Variants in CGAS observed in about 807,000 individuals in gnomAD.
CGAS encodes 2'3'-cGAMP synthase.
In CGAS, 31 loss-of-function variants were observed where a neutral mutation model predicts 34.0. The observed-to-expected ratio is 0.91, with a 90% confidence interval of 0.69 to 1.23. CGAS has a LOEUF of 1.23. Ranked by LOEUF, CGAS falls within the 50% of genes most tolerant of loss-of-function variation. The pLI is 0.00. For synonymous variants in CGAS, 266 were observed against 260.0 expected, an observed-to-expected ratio of 1.02 and a Z score of -0.22; for missense variants, 597 against 657.6, an observed-to-expected ratio of 0.91 and a Z score of 1.01.
intron 3 of CGAS, among the ~76,000 whole-genome samples, chr6:73,438,559 G>A (rs1389558385): frequency 6.6e-6 from 1 of 151,996 alleles, no homozygotes; most frequent in Non-Finnish European, 1.5e-5. Flanking sequence ...AGCCTCGCGT[G>A]GTGGCATGCG....
chr6:73,440,184 A>C, intron 3 of CGAS, 25 bp downstream of exon 3: 1 of 1,579,304 alleles, frequency 6.3e-7, no homozygotes, highest in Non-Finnish European at 8.7e-7. Flanking sequence ...TTACTTCTTT[A>C]AGTTAACTTT....
intron 4 of CGAS, 49 bp from the exon 5 acceptor site, chr6:73,425,627 CA>C: frequency 1.5e-6 from 2 of 1,306,200 alleles, no homozygotes; most frequent in South Asian, 2.7e-5. Context: ...TTACATTCAA[CA>C]AAGGATTTTA....
intron 3 of CGAS, among the ~76,000 whole-genome samples, chr6:73,431,824 G>C (rs1288347268): frequency 6.6e-6 from 1 of 152,124 alleles, no homozygotes; most frequent in Non-Finnish European, 1.5e-5. Flanking sequence ...TTTGATATTA[G>C]GGAATTATTA....
In CGAS at chr6:73,425,252, T is replaced by G; in HGVS notation, c.1544A>C (p.Glu515Ala). The G allele has an allele frequency of 6.3e-7, 1 of 1,588,252 alleles. No homozygotes were observed. Among genetic ancestry groups the G allele is most frequent in the South Asian group, 1.2e-5 (1 of 86,742 alleles). ...TCAAAATTCATCAAAAACTGGAAAC[T>G]CATTGTTTCTTTCATATTCAATTTG... ...TKQIEYERNN[E>A]FPVFDEF Residue 515 changes from glutamate (E) to alanine (A), a missense_variant, in exon 5 of 5, where the codon GAG (glutamate) becomes GCG (alanine). Physicochemically the swap from Glu to Ala is moderately radical, Grantham distance 107 (BLOSUM62 -1). Coordinates refer to ENST00000370315, the MANE Select transcript of CGAS (RefSeq NM_138441.3).
In CGAS at chr6:73,444,628, C is replaced by A. The variant is rs534425246; in HGVS notation, c.877+900G>T. ...CTGGCACCAGATTTTATTATCTGAT[C>A]ATTGAGAAGCCAGGTTTTCATCAGA... is the stretch of plus-strand genomic sequence containing the variant. On this transcript the variant is annotated intron_variant, in intron 2 of 4. Coordinates refer to ENST00000370315, the MANE Select transcript of CGAS (RefSeq NM_138441.3). Among the ~76,000 whole-genome samples, 12 of 152,224 alleles carry A rather than the reference C, an allele frequency of 7.9e-5. No homozygotes were observed. In the South Asian group the frequency reaches 2.5e-3, roughly 32 times the overall value.
chr6:73,432,947 G>A (rs749173510), intron 3 of CGAS, among the ~76,000 whole-genome samples: 14 of 152,192 alleles, frequency 9.2e-5, no homozygotes, highest in South Asian at 4.1e-4. Flanking sequence ...AGCCAGACAC[G>A]GTGGTGGGCA....
rs1414530363 is a variant in CGAS at position 73,424,644 on chromosome 6, T to C, written c.*583A>G. ...AAATACTACTTTTGCTTCTTATTCC[T>C]TGACTAATCTTTTTCCTAGGATAGT... On this transcript the variant is annotated 3_prime_UTR_variant, in exon 5 of 5. Transcript: ENST00000370315. The C allele has an allele frequency of 6.6e-6, 1 of 152,154 alleles. No individual in the cohort carries two copies. Among genetic ancestry groups the C allele is most frequent in the Admixed American group, 6.5e-5 (1 of 15,268 alleles). The allele number at this position is 152,154 out of a possible 1,614,324, so 9.4% of individuals were successfully genotyped here. A position where few individuals can be genotyped will look rare whatever the true frequency, so the allele number is the denominator to read the frequency against.
intron 2 of CGAS, 95 bp downstream of exon 2, chr6:73,445,433 A>C: frequency 2.6e-6 from 2 of 768,818 alleles, no homozygotes; most frequent in South Asian, 2.0e-5. Flanking sequence ...ACTTTTTCTT[A>C]CTGCAGAGAG....
intron 3 of CGAS, 62 bp downstream of exon 3, chr6:73,440,147 C>A: frequency 6.9e-7 from 1 of 1,439,928 alleles, no homozygotes; most frequent in South Asian, 1.3e-5. Flanking sequence ...TCTTTTACTG[C>A]CTGAACATAT....
In CGAS at chr6:73,452,140, C is replaced by T. The variant is rs530437247; in HGVS notation, c.42G>A (p.Glu14=). The T allele has an allele frequency of 1.9e-6, 3 of 1,607,838 alleles. No individual in the cohort carries two copies. Among genetic ancestry groups the T allele is most frequent in the East Asian group, 4.5e-5 (2 of 44,618 alleles). Residue 14 remains glutamate (E), a synonymous_variant, in exon 1 of 5, where the codon GAG becomes GAA. Coordinates refer to ENST00000370315, the MANE Select transcript of CGAS (RefSeq NM_138441.3). ...WHGKAMQRAS[E]AGATAPKASA... ...AAGCCTTGGGGGCAGTGGCTCCGGC[C>T]TCGGAAGCTCTCTGCATGGCCTTTC...
intron 4 of CGAS, 105 bp downstream of exon 4, chr6:73,428,604 C>A (rs1054998064): frequency 4.0e-6 from 4 of 992,982 alleles, no homozygotes; most frequent in Non-Finnish European, 5.9e-6. Context: ...CCTGCCCTGC[C>A]CCCCAGACCC....
At chr6:73,445,239 T>C (rs1428429332) in intron 2 of CGAS, among the ~76,000 whole-genome samples, 1 of 151,920 alleles carries the variant, frequency 6.6e-6, no homozygotes. Context: ...TCATATAATT[T>C]AATCATTTAA....
chr6:73,427,399 A>G (rs1770107683), intron 4 of CGAS, among the ~76,000 whole-genome samples: 2 of 151,924 alleles, frequency 1.3e-5, no homozygotes, highest in South Asian at 2.1e-4. Flanking sequence ...TCCCGGGTTC[A>G]GGTGATTCTC....
chr6:73,452,203 G>A lies in CGAS; in HGVS notation c.-22C>T, dbSNP rs1770588641. The A allele has an allele frequency of 6.3e-7, 1 of 1,580,300 alleles. No individual in the cohort carries two copies. Among genetic ancestry groups the A allele is most frequent in the East Asian group, 2.3e-5 (1 of 43,408 alleles). ...GCATGGCTGGCGCTTTCTGTTCCCC[G>A]AAAGAAGAATCCGTTTCAGGAAAAG... is the stretch of plus-strand genomic sequence containing the variant. On this transcript the variant is annotated 5_prime_UTR_variant, in exon 1 of 5. Coordinates refer to ENST00000370315, the MANE Select transcript of CGAS (RefSeq NM_138441.3).
At chr6:73,444,275 A>T (rs1770430727) in intron 2 of CGAS, among the ~76,000 whole-genome samples, 1 of 151,450 alleles carries the variant, frequency 6.6e-6, no homozygotes, top group South Asian at 2.1e-4. Flanking sequence ...GGTGTGAGCC[A>T]CTGCGCCTGG....
chr6:73,429,556 G>A (rs1056058872), intron 3 of CGAS, among the ~76,000 whole-genome samples: 1 of 152,164 alleles, frequency 6.6e-6, no homozygotes, highest in Non-Finnish European at 1.5e-5. Context: ...CCTGGGCGCG[G>A]TGGCTCACGC....
chr6:73,442,013 C>T (rs1250204393), intron 2 of CGAS, among the ~76,000 whole-genome samples: 1 of 152,156 alleles, frequency 6.6e-6, no homozygotes, highest in African/African-American at 2.4e-5. Context: ...GCTGGGATTA[C>T]AGGCATGCAC....
Position 73,451,817 on chromosome 6 carries a change from CG to C in CGAS, c.364del (p.Arg122AlafsTer51). 6.4e-7 allele frequency: 1 copy of C among 1,556,918 alleles called. No homozygotes were observed. On this transcript the variant is annotated frameshift_variant, in exon 1 of 5. Coordinates refer to ENST00000370315, the MANE Select transcript of CGAS (RefSeq NM_138441.3). LOFTEE classifies it high-confidence loss of function. ...CGTGGAGCAGCGCGCGCCCCTCTGG[CG>C]GCAAGAACCAGCCCTGGAAAGAGCC... ...EPALSRAGSC[R>X]QRGARCSTKP...
chr6:73,452,068 C>G lies in CGAS; in HGVS notation c.114G>C (p.Pro38=). 6.5e-7 allele frequency: 1 copy of G among 1,546,672 alleles called. No individual in the cohort carries two copies. Among genetic ancestry groups the G allele is most frequent in the Non-Finnish European group, 8.7e-7 (1 of 1,147,058 alleles). ...TAGGCAGGGCGGCCTCGGGGGCAGC[C>G]GGAGACTCGGTGGGATCCATCGGGG... ...RGAPMDPTES[P]AAPEAALPKA... The change falls in exon 1 of 5, where the codon CCG becomes CCC. Residue 38 remains proline, a synonymous_variant. Transcript: ENST00000370315.
Sources: allele counts gnomAD v4.1 joint callset (sites outside exome capture counted in the v4.1 genomes callset), GRCh38; gene constraint gnomAD v4.1.1; transcripts MANE v1.5; gene names NCBI Gene and HGNC (gene_info 2026-07-23, HGNC 2026-07-21).